The following PHACTR1 variants were observed in gnomAD, a reference collection of about 807,000 sequenced individuals.
PHACTR1 encodes phosphatase and actin regulator 1.
Under a neutral mutation model 69.2 loss-of-function variants are expected in PHACTR1, and 16 were observed. The observed-to-expected ratio is 0.23, with a 90% CI of 0.16 to 0.35. The LOEUF (loss-of-function observed/expected upper bound fraction) is 0.35, where lower values mean the gene tolerates loss of function less well. Among genes scored for constraint, PHACTR1 ranks in the 10% least tolerant of loss-of-function variants. The probability of loss-of-function intolerance (pLI) is 1.00; values close to 1 mark genes in which losing one functional copy is unlikely to be tolerated. For synonymous variants in PHACTR1, 312 were observed against 284.5 expected (o/e 1.10, Z -0.97); for missense variants, 510 against 734.7 (o/e 0.69, Z 3.54).
At chr6:13,190,585 G>A (rs761198342) in intron 7 of PHACTR1, among the ~76,000 whole-genome samples, 1 of 152,086 alleles carries the variant, frequency 6.6e-6, no homozygotes, top group African/African-American at 2.4e-5. Flanking sequence ...TCTGAGTTCA[G>A]TTGGGTCGGG....
intron 7 of PHACTR1, among the ~76,000 whole-genome samples, chr6:13,188,580 C>A (rs1340443949): frequency 1.3e-5 from 2 of 152,192 alleles, no homozygotes; most frequent in African/African-American, 2.4e-5. Flanking sequence ...TGAACTGGAA[C>A]TACTACCAAA....
In PHACTR1 at chr6:13,286,032, TAAAC is replaced by T. The variant is rs1781623772; in HGVS notation, c.1651-113_1651-110del. 4 of 850,774 alleles carry T rather than the reference TAAAC, an allele frequency of 4.7e-6. No individual in the cohort carries two copies. In the East Asian group the frequency reaches 1.2e-4, roughly 26 times the overall value. 52.7% of individuals were successfully genotyped at this position (850,774 alleles called of 1,614,324 possible). A position where few individuals can be genotyped will look rare whatever the true frequency, so the allele number is the denominator to read the frequency against. On this transcript the variant is annotated intron_variant, in intron 13 of 14. Transcript: ENST00000332995. ...TTCCTCCCAATGAAAGAATCCATCT[TAAAC>T]TTGTTTGTCTTTGTTGAAGAAGAAA...
At chr6:13,286,344 T>C (rs1781695762) in intron 14 of PHACTR1, 122 bp downstream of exon 14, 3 of 780,658 alleles carry the variant, frequency 3.8e-6, no homozygotes. Flanking sequence ...GGGAAGATAG[T>C]AGGAAGGCAG....
intron 4 of PHACTR1, among the ~76,000 whole-genome samples, chr6:12,907,837 A>T (rs1490243956): frequency 6.6e-6 from 1 of 152,192 alleles, no homozygotes; most frequent in Non-Finnish European, 1.5e-5. Context: ...TTCAAGAAAG[A>T]TGTCCAGGTT....
chr6:12,924,550 G>A (rs1026733169), intron 4 of PHACTR1, among the ~76,000 whole-genome samples: 3 of 152,100 alleles, frequency 2.0e-5, no homozygotes, highest in Admixed American at 1.3e-4. Context: ...CGAGGTGGGT[G>A]GATCACAAGG....
chr6:13,228,179 C>G, intron 9 of PHACTR1, 116 bp downstream of exon 9: 1 of 1,354,842 alleles, frequency 7.4e-7, no homozygotes. Context: ...CTGGTGTTGA[C>G]TGGTCCTGGG....
chr6:13,271,600 T>C (rs1380517955), intron 10 of PHACTR1, among the ~76,000 whole-genome samples: 2 of 152,206 alleles, frequency 1.3e-5, no homozygotes, highest in Admixed American at 1.3e-4. Flanking sequence ...CAAAAAACTA[T>C]GTGTATCCTC....
intron 4 of PHACTR1, among the ~76,000 whole-genome samples, chr6:12,855,886 T>G (rs553672119): frequency 6.6e-6 from 1 of 152,242 alleles, no homozygotes; most frequent in South Asian, 2.1e-4. Flanking sequence ...ATAAAAACAT[T>G]AATTAAAGAT....
At chr6:12,864,235 T>C (rs1411523801) in intron 4 of PHACTR1, among the ~76,000 whole-genome samples, 2 of 152,064 alleles carry the variant, frequency 1.3e-5, no homozygotes, top group Non-Finnish European at 2.9e-5. Context: ...CCTGAAGGGG[T>C]TGTACAAACA....
rs746145810 is a variant in PHACTR1, at chr6:12,749,669, T to A, written c.129T>A (p.Pro43=). The A allele has an allele frequency of 6.2e-7, 1 of 1,607,002 alleles. No individual in the cohort carries two copies. Among genetic ancestry groups the A allele is most frequent in the Non-Finnish European group, 8.5e-7 (1 of 1,176,832 alleles). The change falls in exon 4 of 15, where the codon CCT becomes CCA. Residue 43 remains proline, a synonymous_variant. Transcript: ENST00000332995. The part of the protein sequence containing the change: ...AQARRATLLL[P]PTLMAASSED... ...CTCGCCGGGCGACCCTGCTCCTGCCTCCCACATTAATGGCGGCATCCTCGG... is the reference window on the plus strand; with the variant it reads ...CTCGCCGGGCGACCCTGCTCCTGCCACCCACATTAATGGCGGCATCCTCGG...
intron 4 of PHACTR1, among the ~76,000 whole-genome samples, chr6:12,788,937 G>A (rs577673910): frequency 6.6e-6 from 1 of 152,360 alleles, no homozygotes; most frequent in African/African-American, 2.4e-5. Context: ...AGGAAGGTAG[G>A]AGCTGAAGTA....
At chr6:13,151,013 A>G (rs939259418) in intron 5 of PHACTR1, among the ~76,000 whole-genome samples, 1 of 152,210 alleles carries the variant, frequency 6.6e-6, no homozygotes, top group African/African-American at 2.4e-5. Context: ...AAGTGGAGGC[A>G]TGTTCTAGGT....
At chr6:13,278,227 T>C in intron 11 of PHACTR1, 41 bp from the exon 12 acceptor site, 1 of 1,545,108 alleles carries the variant, frequency 6.5e-7, no homozygotes, top group South Asian at 1.2e-5. Context: ...TACACAACAC[T>C]GTTTACTGAA....
chr6:12,773,029 T>C (rs889601801), intron 4 of PHACTR1, among the ~76,000 whole-genome samples: 3 of 152,176 alleles, frequency 2.0e-5, no homozygotes, highest in African/African-American at 4.8e-5. Context: ...ACAAGACCTT[T>C]AAATAAGAAA....
At chr6:12,810,937 T>C (rs1774944715) in intron 4 of PHACTR1, among the ~76,000 whole-genome samples, 1 of 152,218 alleles carries the variant, frequency 6.6e-6, no homozygotes, top group African/African-American at 2.4e-5. Flanking sequence ...CAGGGCACAC[T>C]TGGGGAGCAG....
chr6:13,255,113 G>T (rs1774997159), intron 10 of PHACTR1, among the ~76,000 whole-genome samples: 1 of 152,176 alleles, frequency 6.6e-6, no homozygotes, highest in Non-Finnish European at 1.5e-5. Context: ...GAGGCCTCAG[G>T]AAATTTCCAA....
intron 4 of PHACTR1, among the ~76,000 whole-genome samples, chr6:12,764,266 T>G (rs1484506801): frequency 6.6e-6 from 1 of 152,182 alleles, no homozygotes; most frequent in African/African-American, 2.4e-5. Flanking sequence ...GTGGAGCAAA[T>G]GTGTATTAAA....
Position 12,976,810 on chromosome 6 carries a change from G to A in PHACTR1, c.251-76555G>A, listed in dbSNP as rs151250887. Among the ~76,000 whole-genome samples, 17 of 152,250 alleles carry A rather than the reference G, an allele frequency of 1.1e-4. No homozygotes were observed. In the East Asian group the frequency reaches 2.3e-3, roughly 21 times the overall value. ...TCAGATCAACTGTCCTGGTGTCACA[G>A]TGCTTGTGTTCACGTAACTGATTTT... On this transcript the variant is annotated intron_variant, in intron 4 of 14. Transcript: ENST00000332995.
At chr6:13,016,013 CCTT>C (rs1423652304) in intron 4 of PHACTR1, among the ~76,000 whole-genome samples, 6 of 152,160 alleles carry the variant, frequency 3.9e-5, no homozygotes, top group African/African-American at 9.7e-5. Flanking sequence ...GGAGTTTAAC[CCTT>C]CTTCTTTTAC....
Sources: gnomAD v4.1 joint callset for allele counts (sites outside exome capture counted in the v4.1 genomes callset) on GRCh38, gnomAD v4.1.1 for gene constraint, MANE v1.5 for transcripts, NCBI Gene and HGNC (gene_info 2026-07-23, HGNC 2026-07-21) for gene names.